The following CTNNA1 variants were observed in gnomAD, a reference collection of about 807,000 sequenced individuals.
CTNNA1 encodes catenin alpha 1.
CTNNA1 carries 37 observed loss-of-function variants against 98.4 expected under a neutral mutation model. That is an observed-to-expected ratio of 0.38 (90% CI 0.29 to 0.49). CTNNA1 has a LOEUF of 0.49. CTNNA1 is among the 20% of genes least tolerant of loss of function. The pLI is 0.95. For missense variants in CTNNA1, 761 were observed against 1,147.2 expected (o/e 0.66, Z 4.86); for synonymous variants, 404 against 413.2 (o/e 0.98, Z 0.27).
chr5:138,810,333 T>G lies in CTNNA1; in HGVS notation c.468+129T>G, dbSNP rs28363393. ...GGTTTATCTCAATGGACCAGAGATG[T>G]TTTTGTTTAATTTCCACTTACTCCT... On this transcript the variant is annotated intron_variant, in intron 4 of 17. Coordinates refer to ENST00000302763, the MANE Select transcript of CTNNA1 (RefSeq NM_001903.5). 1.7e-3 allele frequency: 1,692 copies of G among 979,300 alleles called. 17 individuals carry two copies. In the African/African-American group the frequency reaches 0.02, roughly 12 times the overall value. 60.7% of individuals were successfully genotyped at this position (979,300 alleles called of 1,614,324 possible).
At position 138,874,352 on chromosome 5, in the gene CTNNA1, T is replaced by A; in HGVS notation, c.1063-11860T>A. The A allele has an allele frequency of 6.2e-7, 1 of 1,614,046 alleles. No homozygotes were observed. The highest frequency in any genetic ancestry group is 1.1e-5 in the South Asian group (1 of 91,082). ...TCTTTCGAGCTCTGTGATGTGATTG[T>A]GCCTCAGGGACAGGCCCAGAGAGCC... On this transcript the variant is annotated intron_variant, in intron 7 of 17. Coordinates refer to ENST00000302763, the MANE Select transcript of CTNNA1 (RefSeq NM_001903.5). This position sits in a 1 kb window ranked among gnomAD's most constrained non-coding sequence, Gnocchi z 4.1.
At chr5:138,781,199 T>C (rs1204433223) in intron 1 of CTNNA1, among the ~76,000 whole-genome samples, 3 of 152,164 alleles carry the variant, frequency 2.0e-5, no homozygotes, top group African/African-American at 7.2e-5. Flanking sequence ...GTACCATGAA[T>C]GTTGTGGAGT....
Position 138,917,751 on chromosome 5 carries a change from G to A in CTNNA1, c.1399G>A (p.Ala467Thr). ...LEALCPQVIN[A>T]ALALAAKPQS... is the part of the protein sequence containing the mutation. ...TTAATATCTTTTGCAGGTTATTAAT[G>A]CTGCACTGGCTTTAGCAGCAAAACC... is the stretch of plus-strand genomic sequence containing the variant. Residue 467 changes from alanine (A) to threonine (T), a missense_variant, in exon 11 of 18, where the codon GCT becomes ACT. Transcript: ENST00000302763. 2 of 1,614,058 alleles carry A rather than the reference G, an allele frequency of 1.2e-6. No individual in the cohort carries two copies. The highest frequency in any genetic ancestry group is 1.7e-6 in the Non-Finnish European group (2 of 1,179,988).
intron 9 of CTNNA1, among the ~76,000 whole-genome samples, chr5:138,896,109 C>T (rs1325360493): frequency 6.6e-6 from 1 of 152,170 alleles, no homozygotes; most frequent in Non-Finnish European, 1.5e-5. Flanking sequence ...AAATAAGATT[C>T]ATTTCAAGAA....
At chr5:138,914,665 GC>G (rs1176157329) in intron 10 of CTNNA1, among the ~76,000 whole-genome samples, 1 of 151,790 alleles carries the variant, frequency 6.6e-6, no homozygotes, top group East Asian at 1.9e-4. Context: ...TTCACCTCCA[GC>G]CTTTGGAGGG....
At chr5:138,847,375 A>G (rs1762815607) in intron 7 of CTNNA1, among the ~76,000 whole-genome samples, 4 of 151,848 alleles carry the variant, frequency 2.6e-5, no homozygotes, top group Admixed American at 2.6e-4. Context: ...ACATTGTCCA[A>G]GCTGGTCTCG....
At chr5:138,834,332 A>C (rs894898236) in intron 7 of CTNNA1, among the ~76,000 whole-genome samples, 4 of 152,120 alleles carry the variant, frequency 2.6e-5, no homozygotes, top group Admixed American at 6.5e-5. Context: ...AACATTCCAG[A>C]CTTAATTCGG....
intron 3 of CTNNA1, among the ~76,000 whole-genome samples, chr5:138,788,534 A>G (rs1172643672): frequency 6.6e-6 from 1 of 152,178 alleles, no homozygotes; most frequent in Admixed American, 6.5e-5. Context: ...ATCTAATTCC[A>G]GGACATTTTT....
At chr5:138,857,419 T>C (rs1185881783) in intron 7 of CTNNA1, among the ~76,000 whole-genome samples, 1 of 152,182 alleles carries the variant, frequency 6.6e-6, no homozygotes, top group African/African-American at 2.4e-5. Flanking sequence ...CCAGCCATAT[T>C]GAAATCCTGC....
chr5:138,776,433 G>C lies in CTNNA1; in HGVS notation c.-2-5490G>C, dbSNP rs1005677172. ...TACAGAACAAAATGAAAAGTCTCCCGTGTCTGCCTCTTTCTACACAGACAC... is the reference window on the plus strand; with the variant it reads ...TACAGAACAAAATGAAAAGTCTCCCCTGTCTGCCTCTTTCTACACAGACAC... On this transcript the variant is annotated intron_variant, in intron 1 of 17. Coordinates refer to ENST00000302763, the MANE Select transcript of CTNNA1 (RefSeq NM_001903.5). 1.6e-4 allele frequency among the ~76,000 whole-genome samples: 25 copies of C among 152,278 alleles called. No individual in the cohort carries two copies. In the East Asian group the frequency reaches 3.3e-3, roughly 20 times the overall value.
chr5:138,766,455 T>TG (rs201849625), intron 1 of CTNNA1, among the ~76,000 whole-genome samples: 137 of 150,332 alleles, frequency 9.1e-4, no homozygotes, highest in East Asian at 2.2e-3. Flanking sequence ...TGTTTTGTTT[T>TG]TTTTTTTTTT....
chr5:138,770,529 T>G (rs1753424783), intron 1 of CTNNA1, among the ~76,000 whole-genome samples: 1 of 152,228 alleles, frequency 6.6e-6, no homozygotes, highest in South Asian at 2.1e-4. Context: ...TACACTGGCC[T>G]TCTCTTTCTG....
intron 4 of CTNNA1, among the ~76,000 whole-genome samples, chr5:138,810,909 CGGGCAGG>C (rs1290857521): frequency 1.1e-4 from 16 of 149,868 alleles, no homozygotes; most frequent in Middle Eastern, 7.1e-3. Context: ...GGCGGCTGGC[CGGGCAGG>C]GGGCTGACCC....
intron 1 of CTNNA1, among the ~76,000 whole-genome samples, chr5:138,776,452 CAG>C (rs1754187749): frequency 6.6e-6 from 1 of 152,204 alleles, no homozygotes; most frequent in Admixed American, 6.5e-5. Context: ...TCTTTCTACA[CAG>C]ACACGGCAAC....
chr5:138,825,408 C>T (rs1056005337), intron 6 of CTNNA1, among the ~76,000 whole-genome samples: 7 of 145,744 alleles, frequency 4.8e-5, no homozygotes, highest in Non-Finnish European at 8.9e-5. Context: ...TTAAGGTTAA[C>T]TTTTTGGTGG....
At chr5:138,867,729 T>G (rs1764923099) in intron 7 of CTNNA1, among the ~76,000 whole-genome samples, 1 of 151,636 alleles carries the variant, frequency 6.6e-6, no homozygotes, top group East Asian at 1.9e-4. Context: ...GTATTTTCTC[T>G]TATGATTTTC....
intron 7 of CTNNA1, among the ~76,000 whole-genome samples, chr5:138,860,521 A>T (rs200006455): frequency 1.1e-5 from 1 of 92,516 alleles, no homozygotes; most frequent in Admixed American, 1.2e-4. Flanking sequence ...TTTTGTTTTG[A>T]TACGGAGTCT....
chr5:138,881,965 A>T (rs1752993103), intron 7 of CTNNA1, among the ~76,000 whole-genome samples: 1 of 152,222 alleles, frequency 6.6e-6, no homozygotes, highest in Admixed American at 6.5e-5. Flanking sequence ...GGTTTATTTG[A>T]AGTCTTATAT....
chr5:138,853,928 A>G (rs1299539570), intron 7 of CTNNA1, among the ~76,000 whole-genome samples: 1 of 152,208 alleles, frequency 6.6e-6, no homozygotes, highest in African/African-American at 2.4e-5. Flanking sequence ...TTGGGTTTAA[A>G]GAAAATTCTT....
Sources: gnomAD v4.1 joint callset for allele counts (sites outside exome capture counted in the v4.1 genomes callset) on GRCh38, gnomAD v4.1.1 for gene constraint, Gnocchi (gnomAD v3.1) non-coding constraint, MANE v1.5 for transcripts, NCBI Gene and HGNC (gene_info 2026-07-23, HGNC 2026-07-21) for gene names.